Variants in A1CF observed in about 807,000 individuals in gnomAD.
A1CF encodes APOBEC1 complementation factor.
In A1CF, 48 loss-of-function variants were observed where a neutral mutation model predicts 68.9. That is an observed-to-expected ratio of 0.70 (90% CI 0.55 to 0.89). A1CF has a LOEUF of 0.89. A1CF is among the 40% of genes least tolerant of loss of function. A1CF has a pLI of 0.00. For missense variants in A1CF, 653 were observed against 718.9 expected (o/e 0.91, Z 1.05); for synonymous variants, 272 against 260.4 (o/e 1.04, Z -0.43).
At position 50,865,994 on chromosome 10, in the gene A1CF, C is replaced by G. The variant is rs568755929; in HGVS notation, c.-93-1914G>C. On this transcript the variant is annotated intron_variant, in intron 1 of 12. Coordinates refer to ENST00000373997, the MANE Select transcript of A1CF (RefSeq NM_014576.4). ...CATTATGCTAAGTGCTTAATTGATA[C>G]TTTTAGAAGAAATGCAAAACTTTGG... 1.4e-4 allele frequency among the ~76,000 whole-genome samples: 21 copies of G among 152,262 alleles called. 1 individual carries two copies. The highest frequency in any genetic ancestry group is 1.0e-3 in the South Asian group (5 of 4,822).
intron 7 of A1CF, among the ~76,000 whole-genome samples, chr10:50,827,400 A>C (rs1379439937): frequency 1.3e-5 from 2 of 152,184 alleles, no homozygotes; most frequent in Non-Finnish European, 2.9e-5. Context: ...ACTCCTCAGC[A>C]AATGTAAAAG....
rs1418329854 is a variant in A1CF at position 50,801,608 on chromosome 10, G to T, written c.*5121C>A. On this transcript the variant is annotated 3_prime_UTR_variant, in exon 13 of 13. Transcript: ENST00000373997. The stretch of plus-strand genomic sequence containing the variant: ...CTTCATTCTCCAAGAAGGCCTGTGG[G>T]CAGCTTACTTTTTTAAAGATACTGT... The T allele has an allele frequency of 6.6e-6, 1 of 152,180 alleles. No individual in the cohort carries two copies. The highest frequency in any genetic ancestry group is 1.5e-5 in the Non-Finnish European group (1 of 68,036). The allele number at this position is 152,180 out of a possible 1,614,324, so 9.4% of individuals were successfully genotyped here. A position where few individuals can be genotyped will look rare whatever the true frequency, so the allele number is the denominator to read the frequency against.
Position 50,805,244 on chromosome 10 carries a change from T to A in A1CF, c.*1485A>T, listed in dbSNP as rs186717588. The A allele has an allele frequency of 8.5e-5, 13 of 152,360 alleles. No individual in the cohort carries two copies. The highest frequency in any genetic ancestry group is 3.9e-4 in the Admixed American group (6 of 15,300). 9.4% of individuals were successfully genotyped at this position (152,360 alleles called of 1,614,324 possible). A position where few individuals can be genotyped will look rare whatever the true frequency, so the allele number is the denominator to read the frequency against. On this transcript the variant is annotated 3_prime_UTR_variant, in exon 13 of 13. Transcript: ENST00000373997. ...TGTTTTCCTTTGTGTTCTGTAAATT[T>A]TTTTAAGGGCCAAGGGATTTTAAAA...
chr10:50,836,209 T>G lies in A1CF; in HGVS notation c.469A>C (p.Lys157Gln). ...TCGACAACACCTTCAGTAACCTTTT[T>G]CATCTCCGATAAGATTTCTTCTCTC... ...KKREEILSEM[K>Q]KVTEGVVDVI... Residue 157 changes from lysine (K) to glutamine (Q), a missense_variant, in exon 6 of 13, where the codon AAA (lysine) becomes CAA (glutamine). Physicochemically the swap from Lys to Gln is moderately conservative, Grantham distance 53. Transcript: ENST00000373997. 1.9e-6 allele frequency: 3 copies of G among 1,614,048 alleles called. No individual in the cohort carries two copies. The highest frequency in any genetic ancestry group is 2.5e-6 in the Non-Finnish European group (3 of 1,179,914).
chr10:50,879,777 G>A (rs187347707), intron 1 of A1CF, among the ~76,000 whole-genome samples: 4 of 152,186 alleles, frequency 2.6e-5, no homozygotes, highest in African/African-American at 9.6e-5. Flanking sequence ...ATGAGATTTG[G>A]GTGGGGACAA....
At chr10:50,883,722 C>A (rs1841881196) in intron 1 of A1CF, among the ~76,000 whole-genome samples, 1 of 152,204 alleles carries the variant, frequency 6.6e-6, no homozygotes, top group African/African-American at 2.4e-5. Flanking sequence ...ACGTTGCCTA[C>A]TCTCTTAGAT....
At chr10:50,810,522 C>A (rs1259360892) in intron 11 of A1CF, among the ~76,000 whole-genome samples, 2 of 152,122 alleles carry the variant, frequency 1.3e-5, no homozygotes, top group Non-Finnish European at 2.9e-5. Context: ...CACTCTATTG[C>A]CCAGGTTGGA....
intron 3 of A1CF, among the ~76,000 whole-genome samples, chr10:50,848,048 T>G (rs1840079789): frequency 6.6e-6 from 1 of 152,204 alleles, no homozygotes; most frequent in Non-Finnish European, 1.5e-5. Flanking sequence ...TATCTCCAAT[T>G]GAATTAGGTA....
At chr10:50,864,579 C>A (rs1245103690) in intron 1 of A1CF, among the ~76,000 whole-genome samples, 1 of 152,120 alleles carries the variant, frequency 6.6e-6, no homozygotes, top group Non-Finnish European at 1.5e-5. Flanking sequence ...TTAAATGTAT[C>A]CTCACCACCA....
intron 1 of A1CF, among the ~76,000 whole-genome samples, chr10:50,871,037 T>A (rs1248974943): frequency 6.6e-6 from 1 of 151,698 alleles, no homozygotes; most frequent in African/African-American, 2.4e-5. Context: ...ATACCCAGTA[T>A]TGGTTTAAAA....
chr10:50,815,881 A>T (rs1838341754), intron 9 of A1CF, 125 bp downstream of exon 9: 1 of 1,155,352 alleles, frequency 8.7e-7, no homozygotes, highest in Admixed American at 2.5e-5. Flanking sequence ...ATAATAGTTG[A>T]TTTTTAATAA....
intron 3 of A1CF, 146 bp downstream of exon 3, chr10:50,859,696 G>A (rs1421792613): frequency 6.1e-6 from 4 of 650,582 alleles, no homozygotes; most frequent in African/African-American, 5.5e-5. Context: ...AAACAGAAAT[G>A]TTGCAATTTC....
intron 6 of A1CF, among the ~76,000 whole-genome samples, chr10:50,832,847 G>A (rs923432081): frequency 4.6e-5 from 7 of 151,642 alleles, no homozygotes; most frequent in Non-Finnish European, 8.8e-5. Flanking sequence ...CACTCTTTGA[G>A]TGCAATGGTT....
At chr10:50,812,551 C>T (rs537859361) in intron 10 of A1CF, among the ~76,000 whole-genome samples, 5 of 152,192 alleles carry the variant, frequency 3.3e-5, no homozygotes, top group South Asian at 4.2e-4. Flanking sequence ...ACAGAATTTG[C>T]GACTATTATT....
In A1CF at chr10:50,816,188, C is replaced by T. The variant is rs780399019; in HGVS notation, c.959G>A (p.Gly320Asp). 9.9e-6 allele frequency: 16 copies of T among 1,613,602 alleles called. No individual in the cohort carries two copies. The highest frequency in any genetic ancestry group is 1.4e-5 in the Non-Finnish European group (16 of 1,179,860). The change falls in exon 9 of 13, where the codon GGC becomes GAC. Residue 320 changes from glycine to aspartate, a missense_variant. Transcript: ENST00000373997. ...VRYTRGTGGR[G>D]TMLQGEYTYS... Reference sequence around the variant, plus strand: ...GGTATACTCTCCTTGCAGCATGGTGCCCCTTCCACCTGTGCCTCGGGTATA... The same window carrying T: ...GGTATACTCTCCTTGCAGCATGGTGTCCCTTCCACCTGTGCCTCGGGTATA...
At chr10:50,864,688 A>G (rs1840900468) in intron 1 of A1CF, among the ~76,000 whole-genome samples, 1 of 151,870 alleles carries the variant, frequency 6.6e-6, no homozygotes. Context: ...GCATGATCTC[A>G]GCTCACCGCA....
intron 10 of A1CF, among the ~76,000 whole-genome samples, chr10:50,812,722 T>C (rs1315950411): frequency 6.6e-6 from 1 of 152,214 alleles, no homozygotes; most frequent in Admixed American, 6.5e-5. Context: ...TGTCAGTTTT[T>C]TCCCACTGGA....
Position 50,869,700 on chromosome 10 carries a change from C to T in A1CF, c.-93-5620G>A, listed in dbSNP as rs559953036. Among the ~76,000 whole-genome samples, 6 of 152,084 alleles carry T rather than the reference C, an allele frequency of 3.9e-5. No homozygotes were observed. In the South Asian group the frequency reaches 1.2e-3, roughly 32 times the overall value. Reference sequence around the variant, plus strand: ...CTAGAAGAATATATAATAATTTAGACAGATACTTGTGAAATATAATAAAGT... The same window carrying T: ...CTAGAAGAATATATAATAATTTAGATAGATACTTGTGAAATATAATAAAGT... On this transcript the variant is annotated intron_variant, in intron 1 of 12. Coordinates refer to ENST00000373997, the MANE Select transcript of A1CF (RefSeq NM_014576.4).
rs759540760 is a variant in A1CF at position 50,811,102 on chromosome 10, G to A, written c.1398C>T (p.Asp466=). 1.2e-6 allele frequency: 2 copies of A among 1,613,440 alleles called. No homozygotes were observed. The highest frequency in any genetic ancestry group is 1.3e-5 in the African/African-American group (1 of 74,912). The change falls in exon 11 of 13, where the codon GAC becomes GAT. Residue 466 remains aspartate (D), a synonymous_variant. Coordinates refer to ENST00000373997, the MANE Select transcript of A1CF (RefSeq NM_014576.4). ...TTTTGTACAAGAATAGCTGTCTTTG[G>A]TCTTGTCCAATAGCAGAGTGCAGCT... is the stretch of plus-strand genomic sequence containing the variant. ...VYQLHSAIGQ[D]QRQLFLYKIT...
Sources: allele counts gnomAD v4.1 joint callset (sites outside exome capture counted in the v4.1 genomes callset), GRCh38; gene constraint gnomAD v4.1.1; transcripts MANE v1.5; gene names NCBI Gene and HGNC (gene_info 2026-07-23, HGNC 2026-07-21).